The following XKR3 variants were observed in gnomAD, a reference collection of about 807,000 sequenced individuals.
XKR3 encodes the protein XK related 3.
Under a neutral mutation model 40.3 loss-of-function variants are expected in XKR3, and 27 were observed. The ratio of observed to expected loss-of-function variants is 0.67; its 90% confidence interval spans 0.49 to 0.92. The LOEUF (loss-of-function observed/expected upper bound fraction) is 0.92. Ranked by LOEUF, XKR3 falls within the 40% of genes least tolerant of loss-of-function variation. The pLI is 0.00. For synonymous variants in XKR3, 193 were observed against 195.4 expected, an observed-to-expected ratio of 0.99 and a Z score of 0.10; for missense variants, 472 against 537.6, an observed-to-expected ratio of 0.88 and a Z score of 1.21.
chr22:16,785,827 G>A (rs2060088056), intron 3 of XKR3, among the ~76,000 whole-genome samples: 1 of 152,036 alleles, frequency 6.6e-6, no homozygotes, highest in African/African-American at 2.4e-5. Context: ...CAGCCTGGGC[G>A]ACAGAGCGAG....
At chr22:16,815,433 TTTG>T (rs2060229188) in intron 1 of XKR3, among the ~76,000 whole-genome samples, 1 of 152,030 alleles carries the variant, frequency 6.6e-6, no homozygotes, top group South Asian at 2.1e-4. Flanking sequence ...TTTCTCTAGT[TTTG>T]TTATCAGAGT....
chr22:16,813,906 T>C (rs1205290895), intron 1 of XKR3, among the ~76,000 whole-genome samples: 1 of 152,210 alleles, frequency 6.6e-6, no homozygotes, highest in East Asian at 1.9e-4. Flanking sequence ...TTGTATCTCA[T>C]TGTGGTTTGA....
At chr22:16,819,805 A>C (rs557036617) in intron 1 of XKR3, among the ~76,000 whole-genome samples, 4 of 152,320 alleles carry the variant, frequency 2.6e-5, no homozygotes, top group African/African-American at 9.6e-5. Flanking sequence ...GAAATAACTT[A>C]TGAAGAGACT....
intron 3 of XKR3, among the ~76,000 whole-genome samples, chr22:16,790,227 G>A: frequency 7.0e-6 from 1 of 142,496 alleles, no homozygotes; most frequent in African/African-American, 2.6e-5. Flanking sequence ...CAAACTTAAT[G>A]ACCTTGGTCT....
At chr22:16,807,702 T>C (rs1298892816) in intron 2 of XKR3, 37 bp downstream of exon 2, 28 of 1,495,434 alleles carry the variant, frequency 1.9e-5, no homozygotes, top group Non-Finnish European at 2.3e-5. Context: ...AATTTACTTG[T>C]TGGAGGCAGT....
chr22:16,811,975 C>T (rs1486835266), intron 1 of XKR3, among the ~76,000 whole-genome samples: 3 of 152,074 alleles, frequency 2.0e-5, no homozygotes, highest in Non-Finnish European at 4.4e-5. Flanking sequence ...CACCACTGCA[C>T]TCCAGCCTGG....
intron 1 of XKR3, among the ~76,000 whole-genome samples, 88 bp downstream of exon 1, chr22:16,825,201 ATT>A (rs1326589406): frequency 2.6e-5 from 4 of 152,136 alleles, no homozygotes; most frequent in Non-Finnish European, 5.9e-5. Context: ...ATATCCAGAG[ATT>A]TATGTTAAGA....
chr22:16,788,401 G>T (rs2060100019), intron 3 of XKR3, among the ~76,000 whole-genome samples: 1 of 151,916 alleles, frequency 6.6e-6, no homozygotes, highest in Non-Finnish European at 1.5e-5. Flanking sequence ...AGTAAAAAAA[G>T]TCACTAATAA....
intron 1 of XKR3, among the ~76,000 whole-genome samples, chr22:16,821,011 C>T (rs887900): frequency 0.6 from 91,025 of 151,824 alleles, 27,399 homozygotes; most frequent in African/African-American, 0.61. Flanking sequence ...CTAAGACAAA[C>T]AAGATATATG....
rs540938200 is a variant in XKR3 at position 16,796,405 on chromosome 22, C to T, written c.589+3366G>A. 7.9e-5 allele frequency among the ~76,000 whole-genome samples: 12 copies of T among 152,228 alleles called. No homozygotes were observed. The South Asian group carries it at 2.5e-3, about 32-fold the overall frequency. ...CTGATACCAAAACCTGGCAGAGACA[C>T]AAGAAAACTTCTGGCCAATATCCCT... On this transcript the variant is annotated intron_variant, in intron 3 of 3. Coordinates refer to ENST00000684488, the MANE Select transcript of XKR3 (RefSeq NM_001386955.1).
intron 1 of XKR3, among the ~76,000 whole-genome samples, chr22:16,816,514 A>C (rs1318190458): frequency 6.6e-6 from 1 of 151,088 alleles, no homozygotes; most frequent in Non-Finnish European, 1.5e-5. Context: ...AGCCCCCACA[A>C]AAAAAAACCC....
Position 16,787,696 on chromosome 22 carries a change from T to C in XKR3, c.590-3287A>G. Among the ~76,000 whole-genome samples, 2 of 151,920 alleles carry C rather than the reference T, an allele frequency of 1.3e-5. 1 individual carries two copies. Among genetic ancestry groups the C allele is most frequent in the Non-Finnish European group, 2.9e-5 (2 of 67,982 alleles). The stretch of plus-strand genomic sequence containing the variant: ...GTAAAGGAATATTGAAGTCTTCCAA[T>C]AAGATTAAATCCAAATAATATCGCC... On this transcript the variant is annotated intron_variant, in intron 3 of 3. Transcript: ENST00000684488.
chr22:16,813,083 G>A (rs1460645755), intron 1 of XKR3, among the ~76,000 whole-genome samples: 1 of 152,136 alleles, frequency 6.6e-6, no homozygotes, highest in African/African-American at 2.4e-5. Context: ...AGGAGATAGA[G>A]ATCATCCTGG....
chr22:16,812,985 T>C (rs1282648056), intron 1 of XKR3, among the ~76,000 whole-genome samples: 1 of 151,872 alleles, frequency 6.6e-6, no homozygotes, highest in Non-Finnish European at 1.5e-5. Flanking sequence ...ACAATCACTG[T>C]AGAAGATAAA....
At chr22:16,803,972 T>C (rs527577215) in intron 2 of XKR3, among the ~76,000 whole-genome samples, 87 of 152,302 alleles carry the variant, frequency 5.7e-4, no homozygotes, top group African/African-American at 2.0e-3. Flanking sequence ...GAACCCTCTC[T>C]TGGGGTCTGG....
chr22:16,822,350 C>A, intron 1 of XKR3, among the ~76,000 whole-genome samples: 1 of 150,674 alleles, frequency 6.6e-6, no homozygotes, highest in African/African-American at 2.4e-5. Flanking sequence ...GTAACAGTAA[C>A]AGCTAAGAAA....
In XKR3 at chr22:16,807,893, CT is replaced by C. The variant is rs774868146; in HGVS notation, c.180del (p.Ala61LeufsTer25). 4.8e-5 allele frequency: 77 copies of C among 1,613,880 alleles called. No homozygotes were observed. Among genetic ancestry groups the C allele is most frequent in the Non-Finnish European group, 6.2e-5 (73 of 1,179,940 alleles). On this transcript the variant is annotated frameshift_variant, in exon 2 of 4. Transcript: ENST00000684488. LOFTEE classifies it high-confidence loss of function. ...AATGACATCCAGAATGTGTCATTAG[CT>C]TTTCGATAAATTTCAAACATGTATA... The part of the protein sequence containing the change: ...FGLYMFEIYR[K>X]ANDTFWMSFT...
chr22:16,790,012 A>T (rs1412603402), intron 3 of XKR3, among the ~76,000 whole-genome samples: 1 of 152,154 alleles, frequency 6.6e-6, no homozygotes, highest in African/African-American at 2.4e-5. Context: ...AGTGGCGTGT[A>T]CCTATAGTTC....
rs763159994 is a variant in XKR3 at position 16,791,778 on chromosome 22, G to GGAGAGA, written c.590-7375_590-7370dup. On this transcript the variant is annotated intron_variant, in intron 3 of 3. Coordinates refer to ENST00000684488, the MANE Select transcript of XKR3 (RefSeq NM_001386955.1). Reference sequence around the variant, plus strand: ...GAGAGAGGGAGAGAGGGAGAGAGAGGGAGAGAGAGAGAGAGAGAGAGAGAG... The same window carrying GGAGAGA: ...GAGAGAGGGAGAGAGGGAGAGAGAGGGAGAGAGAGAGAGAGAGAGAGAGAGAGAGAG... Among the ~76,000 whole-genome samples, 50 of 123,218 alleles carry GGAGAGA rather than the reference G, an allele frequency of 4.1e-4. 1 individual carries two copies. The highest frequency in any genetic ancestry group is 6.8e-4 in the African/African-American group (22 of 32,496). 80.8% of individuals were successfully genotyped at this position (123,218 alleles called of 152,430 possible). A position where few individuals can be genotyped will look rare whatever the true frequency, so the allele number is the denominator to read the frequency against.
Sources: gnomAD v4.1 joint callset for allele counts (sites outside exome capture counted in the v4.1 genomes callset) on GRCh38, gnomAD v4.1.1 for gene constraint, MANE v1.5 for transcripts, NCBI Gene and HGNC (gene_info 2026-07-23, HGNC 2026-07-21) for gene names.